The following WFS1 variants were observed in gnomAD, a reference collection of about 807,000 sequenced individuals.
The protein encoded by WFS1 is wolframin ER transmembrane glycoprotein.
In WFS1, 90 loss-of-function variants were observed where a neutral mutation model predicts 68.5. That is an observed-to-expected ratio of 1.31 (90% CI 1.11 to 1.56). The LOEUF is 1.56. Ranked by LOEUF, WFS1 falls within the 40% of genes most tolerant of loss-of-function variation. The pLI, the probability that WFS1 is intolerant of heterozygous loss-of-function variation, is 0.00. For missense variants in WFS1, 1,767 were observed against 1,232.6 expected, an observed-to-expected ratio of 1.43 and a Z score of -6.49; for synonymous variants, 860 against 540.7, an observed-to-expected ratio of 1.59 and a Z score of -8.19.
In WFS1 at chr4:6,287,295, G is replaced by A. The variant is rs992158725; in HGVS notation, c.315+120G>A. Reference sequence around the variant, plus strand: ...CCTGAGATCGGGGTCAGGAGCCAGCGTGGTGCACCCTACCCCACTTGAGCC... The same window carrying A: ...CCTGAGATCGGGGTCAGGAGCCAGCATGGTGCACCCTACCCCACTTGAGCC... On this transcript the variant is annotated intron_variant, in intron 3 of 7. Coordinates refer to ENST00000226760, the MANE Select transcript of WFS1 (RefSeq NM_006005.3). This position sits in a 1 kb window ranked among gnomAD's most constrained non-coding sequence, Gnocchi z 6.4. 48 of 903,722 alleles carry A rather than the reference G, an allele frequency of 5.3e-5. No individual in the cohort carries two copies. Among genetic ancestry groups the A allele is most frequent in the African/African-American group, 3.0e-4 (18 of 60,760 alleles). The allele number at this position is 903,722 out of a possible 1,614,324, so 56.0% of individuals were successfully genotyped here. A position where few individuals can be genotyped will look rare whatever the true frequency, so the allele number is the denominator to read the frequency against.
intron 1 of WFS1, among the ~76,000 whole-genome samples, chr4:6,274,812 G>C (rs766413555): frequency 2.1e-5 from 2 of 94,140 alleles, no homozygotes; most frequent in Admixed American, 2.6e-4. Context: ...AATGGGCCCC[G>C]GGAGAGAGGG....
Position 6,287,321 on chromosome 4 carries a change from C to A in WFS1, c.315+146C>A. 1 of 732,230 alleles carries A rather than the reference C, an allele frequency of 1.4e-6. No individual in the cohort carries two copies. The highest frequency in any genetic ancestry group is 2.4e-6 in the Non-Finnish European group (1 of 418,166). The allele number at this position is 732,230 out of a possible 1,614,324, so 45.4% of individuals were successfully genotyped here. A position where few individuals can be genotyped will look rare whatever the true frequency, so the allele number is the denominator to read the frequency against. On this transcript the variant is annotated intron_variant, in intron 3 of 7. Coordinates refer to ENST00000226760, the MANE Select transcript of WFS1 (RefSeq NM_006005.3). The surrounding 1 kb of genome is among the most constrained non-coding windows in gnomAD (Gnocchi z 6.4). Reference sequence around the variant, plus strand: ...TGGTGCACCCTACCCCACTTGAGCCCCATGTTGGTAGGGTGCCCATGTTCA... The same window carrying A: ...TGGTGCACCCTACCCCACTTGAGCCACATGTTGGTAGGGTGCCCATGTTCA...
chr4:6,295,101 T>C lies in WFS1; in HGVS notation c.773T>C (p.Val258Ala), dbSNP rs781407814. The C allele has an allele frequency of 3.7e-6, 6 of 1,613,356 alleles. No homozygotes were observed. The African/African-American group carries it at 6.7e-5, about 18-fold the overall frequency. Residue 258 changes from valine (V) to alanine (A), a missense_variant, in exon 7 of 8, where the codon GTC (valine) becomes GCC (alanine). Physicochemically the swap from Val to Ala is moderately conservative, Grantham distance 64. Transcript: ENST00000226760. The stretch of plus-strand genomic sequence containing the variant: ...ATCACTAAGAAGTACGCCAAGGGCG[T>C]CATCCCCAGCAGCCTGTTCCTGCAG... ...VEITKKYAKGVIPSSLFLQDD... is the reference protein window; with the variant it reads ...VEITKKYAKGAIPSSLFLQDD...
In WFS1 at chr4:6,284,767, C is replaced by G. The variant is rs1036449266; in HGVS notation, c.233-2326C>G. The stretch of plus-strand genomic sequence containing the variant: ...ATTGATGTTAACGATCAGATTGAAG[C>G]TGCTTCGGAGCAGTGATGTGGCCTG... On this transcript the variant is annotated intron_variant, in intron 2 of 7. Transcript: ENST00000226760. 2.6e-5 allele frequency among the ~76,000 whole-genome samples: 4 copies of G among 151,502 alleles called. No homozygotes were observed. In the South Asian group the frequency reaches 8.7e-4, roughly 33 times the overall value.
At chr4:6,289,186 C>T (rs373296802) in intron 4 of WFS1, 55 bp downstream of exon 4, 6 of 1,528,714 alleles carry the variant, frequency 3.9e-6, no homozygotes, top group Middle Eastern at 2.0e-4. Flanking sequence ...GCTTGTAATG[C>T]TGCTTGCTAA....
At position 6,273,238 on chromosome 4, in the gene WFS1, A is replaced by C. The variant is rs370660274; in HGVS notation, c.-6+3224A>C. 3.3e-5 allele frequency among the ~76,000 whole-genome samples: 5 copies of C among 152,380 alleles called. No individual in the cohort carries two copies. In the East Asian group the frequency reaches 9.6e-4, roughly 29 times the overall value. On this transcript the variant is annotated intron_variant, in intron 1 of 7. Transcript: ENST00000226760. ...GTCTGAGTGGATGCATGGTGCCTGC[A>C]GCCCTCTCCAGGTGGCGGCCTCTCA...
In WFS1 at chr4:6,302,326, C is replaced by T. The variant is rs200192011; in HGVS notation, c.2531C>T (p.Ala844Val). 94 of 1,612,232 alleles carry T rather than the reference C, an allele frequency of 5.8e-5. No individual in the cohort carries two copies. Among genetic ancestry groups the T allele is most frequent in the Non-Finnish European group, 7.5e-5 (88 of 1,179,828 alleles). ...AAGTGGCCTGTCTTCGAGCTCAAGG[C>T]CATCAGCTGCCTCAACTGCATGGCC... The part of the protein sequence containing the change: ...GSKWPVFELK[A>V]ISCLNCMAQL... The change falls in exon 8 of 8, where the codon GCC becomes GTC. Residue 844 changes from alanine (A) to valine (V), a missense_variant. Physicochemically the swap from Ala to Val is moderately conservative, Grantham distance 64 (BLOSUM62 0). Transcript: ENST00000226760.
At position 6,301,383 on chromosome 4, in the gene WFS1, T is replaced by C; in HGVS notation, c.1588T>C (p.Tyr530His). The C allele has an allele frequency of 6.2e-7, 1 of 1,612,618 alleles. No individual in the cohort carries two copies. The highest frequency in any genetic ancestry group is 8.5e-7 in the Non-Finnish European group (1 of 1,180,038). ...QLRNFKGTYCYLVPYLVCFMW... is the reference protein window; with the variant it reads ...QLRNFKGTYCHLVPYLVCFMW... ...GAGGAATTTCAAGGGCACCTACTGC[T>C]ACCTTGTGCCCTACCTGGTGTGCTT... Residue 530 changes from tyrosine to histidine, a missense_variant, in exon 8 of 8, where the codon TAC (tyrosine) becomes CAC (histidine). Physicochemically the swap from Tyr to His is moderately conservative, Grantham distance 83. Coordinates refer to ENST00000226760, the MANE Select transcript of WFS1 (RefSeq NM_006005.3).
intron 1 of WFS1, among the ~76,000 whole-genome samples, chr4:6,274,207 T>A (rs891419204): frequency 6.6e-6 from 1 of 152,042 alleles, no homozygotes; most frequent in Non-Finnish European, 1.5e-5. Context: ...CCACCACGCC[T>A]GGCTAATTTT....
intron 2 of WFS1, among the ~76,000 whole-genome samples, chr4:6,285,308 G>A (rs370283331): frequency 6.6e-6 from 1 of 150,974 alleles, no homozygotes; most frequent in East Asian, 2.0e-4. Flanking sequence ...GAGCCTCTAG[G>A]GAGGGGTACA....
chr4:6,278,849 C>T (rs1730072055), intron 2 of WFS1, among the ~76,000 whole-genome samples: 1 of 152,230 alleles, frequency 6.6e-6, no homozygotes, highest in Non-Finnish European at 1.5e-5. Context: ...GGGATTTGGG[C>T]CCAGCCTCAC....
intron 6 of WFS1, among the ~76,000 whole-genome samples, chr4:6,293,257 G>A (rs1303160140): frequency 6.6e-6 from 1 of 152,184 alleles, no homozygotes; most frequent in Non-Finnish European, 1.5e-5. Flanking sequence ...ACCTGCTGCT[G>A]GGCCCTGTCG....
In WFS1 at chr4:6,287,183, C is replaced by T. The variant is rs1730337096; in HGVS notation, c.315+8C>T. On this transcript the variant is annotated splice_region_variant and intron_variant, in intron 3 of 7. Coordinates refer to ENST00000226760, the MANE Select transcript of WFS1 (RefSeq NM_006005.3). The surrounding 1 kb of genome is among the most constrained non-coding windows in gnomAD (Gnocchi z 6.4). ...CCCAAGGCACAGACTGAGGTGAGGA[C>T]TGCGGTGCCGGCAGGGACTTCGGGA... is the stretch of plus-strand genomic sequence containing the variant. 1.3e-6 allele frequency: 2 copies of T among 1,554,974 alleles called. No homozygotes were observed. The highest frequency in any genetic ancestry group is 2.7e-5 in the African/African-American group (2 of 73,616).
At chr4:6,276,777 T>C (rs1387505199) in intron 1 of WFS1, among the ~76,000 whole-genome samples, 3 of 152,246 alleles carry the variant, frequency 2.0e-5, no homozygotes, top group Non-Finnish European at 4.4e-5. Flanking sequence ...GGCAGAAGTC[T>C]GAAGTCAAGG....
Position 6,287,822 on chromosome 4 carries a change from C to T in WFS1, c.315+647C>T, listed in dbSNP as rs1269401640. On this transcript the variant is annotated intron_variant, in intron 3 of 7. Coordinates refer to ENST00000226760, the MANE Select transcript of WFS1 (RefSeq NM_006005.3). This position sits in a 1 kb window ranked among gnomAD's most constrained non-coding sequence, Gnocchi z 6.4. ...CAAGTTCTCACCACCTCACTCTGTCCCCTTGCACAGGGCTCAAGCAAGTGA... is the reference window on the plus strand; with the variant it reads ...CAAGTTCTCACCACCTCACTCTGTCTCCTTGCACAGGGCTCAAGCAAGTGA... Among the ~76,000 whole-genome samples the T allele has an allele frequency of 6.6e-6, 1 of 152,184 alleles. No individual in the cohort carries two copies. Among genetic ancestry groups the T allele is most frequent in the Non-Finnish European group, 1.5e-5 (1 of 68,030 alleles).
rs1321291819 is a variant in WFS1 at position 6,302,251 on chromosome 4, A to T, written c.2456A>T (p.Gln819Leu). Residue 819 changes from glutamine to leucine, a missense_variant, in exon 8 of 8, where the codon CAG becomes CTG. Coordinates refer to ENST00000226760, the MANE Select transcript of WFS1 (RefSeq NM_006005.3). ...AAGAGCGTGCTGCTCAGCCTGCGCC[A>T]GGGCAGCCTCATCGAGTTCAGCACC... The part of the protein sequence containing the change: ...EFKSVLLSLR[Q>L]GSLIEFSTIL... 3.1e-6 allele frequency: 5 copies of T among 1,604,796 alleles called. No homozygotes were observed. The highest frequency in any genetic ancestry group is 2.7e-5 in the African/African-American group (2 of 74,756).
intron 7 of WFS1, among the ~76,000 whole-genome samples, chr4:6,298,901 C>T (rs76036930): frequency 4.6e-5 from 7 of 152,322 alleles, no homozygotes; most frequent in Middle Eastern, 3.4e-3. Context: ...GGTGCTTCCC[C>T]GAGGCCCGGA....
At position 6,276,771 on chromosome 4, in the gene WFS1, G is replaced by A. The variant is rs558404560; in HGVS notation, c.-5-680G>A. 8.2e-4 allele frequency among the ~76,000 whole-genome samples: 125 copies of A among 152,382 alleles called. 2 individuals carry two copies. Among genetic ancestry groups the A allele is most frequent in the African/African-American group, 2.9e-3 (120 of 41,598 alleles). On this transcript the variant is annotated intron_variant, in intron 1 of 7. Coordinates refer to ENST00000226760, the MANE Select transcript of WFS1 (RefSeq NM_006005.3). ...TTGTTCTCTGATGGTTCTGGAGGCA[G>A]AAGTCTGAAGTCAAGGTGTGGGCAG...
At chr4:6,289,245 A>G (rs1730397508) in intron 4 of WFS1, 114 bp downstream of exon 4, 1 of 1,392,620 alleles carries the variant, frequency 7.2e-7, no homozygotes, top group Non-Finnish European at 9.6e-7. Flanking sequence ...TGCTGTTGGG[A>G]AATTTCAGTT....
Sources: allele counts gnomAD v4.1 joint callset (sites outside exome capture counted in the v4.1 genomes callset), GRCh38; gene constraint gnomAD v4.1.1; non-coding constraint Gnocchi (gnomAD v3.1); transcripts MANE v1.5; gene names NCBI Gene and HGNC (gene_info 2026-07-23, HGNC 2026-07-21).